NOTCH2: variants seen among roughly 807,000 people sequenced by gnomAD.
NOTCH2 encodes neurogenic locus notch homolog protein 2.
A neutral mutation model predicts 235.8 loss-of-function variants in NOTCH2; 29 were observed. That is an observed-to-expected ratio of 0.12 (90% CI 0.09 to 0.17). The LOEUF (loss-of-function observed/expected upper bound fraction) is 0.17, where lower values mean the gene tolerates loss of function less well. Ranked by LOEUF, NOTCH2 falls within the 10% of genes least tolerant of loss-of-function variation. The pLI is 1.00. For missense variants in NOTCH2, 2,285 were observed against 3,150.2 expected, an observed-to-expected ratio of 0.73 and a Z score of 6.57; for synonymous variants, 1,086 against 1,141.5, an observed-to-expected ratio of 0.95 and a Z score of 0.98.
intron 15 of NOTCH2, 98 bp from the exon 16 acceptor site, chr1:119,949,224 C>T: frequency 1.6e-6 from 2 of 1,276,404 alleles, no homozygotes; most frequent in Non-Finnish European, 2.3e-6. Flanking sequence ...GTCAAAAGTC[C>T]TGATTAAGAG....
Position 119,937,849 on chromosome 1 carries a change from A to C in NOTCH2, c.3337+8T>G. 1 of 1,614,156 alleles carries C rather than the reference A, an allele frequency of 6.2e-7. No individual in the cohort carries two copies. The stretch of plus-strand genomic sequence containing the variant: ...TGAATGACCTGAGCCCAAGGGAGCA[A>C]AGCTTACCTCTCCTGGAGGCTGCTA... On this transcript the variant is annotated splice_region_variant and intron_variant, in intron 20 of 33. Coordinates refer to ENST00000256646, the MANE Select transcript of NOTCH2 (RefSeq NM_024408.4).
intron 1 of NOTCH2, chr1:120,068,888 A>C (rs1330596383): frequency 1.4e-6 from 1 of 737,922 alleles, no homozygotes; most frequent in Non-Finnish European, 2.1e-6. Flanking sequence ...GCGACGGTGC[A>C]GGCCGTTTGG....
chr1:120,002,383 T>C (rs587698027), intron 3 of NOTCH2, among the ~76,000 whole-genome samples: 2 of 150,342 alleles, frequency 1.3e-5, no homozygotes, highest in East Asian at 3.9e-4. Flanking sequence ...GAAAGAGTAT[T>C]CATGGAATAC....
intron 26 of NOTCH2, 100 bp from the exon 27 acceptor site, chr1:119,922,878 C>G (rs1406240296): frequency 1.4e-6 from 2 of 1,445,530 alleles, no homozygotes; most frequent in Admixed American, 1.7e-5. Context: ...AGGAGCCTCC[C>G]TTCCTCCCCT....
At chr1:119,988,969 GA>G (rs1314810419) in intron 4 of NOTCH2, among the ~76,000 whole-genome samples, 3 of 152,194 alleles carry the variant, frequency 2.0e-5, no homozygotes, top group African/African-American at 7.2e-5. Context: ...AACCACAACA[GA>G]AAAGAAATAA....
chr1:119,964,023 T>C (rs1651042265), intron 10 of NOTCH2, among the ~76,000 whole-genome samples: 2 of 152,234 alleles, frequency 1.3e-5, no homozygotes, highest in South Asian at 2.1e-4. Flanking sequence ...AATTTTAGAA[T>C]TGAAATACCT....
At chr1:120,011,431 G>T (rs1653187730) in intron 2 of NOTCH2, among the ~76,000 whole-genome samples, 5 of 152,206 alleles carry the variant, frequency 3.3e-5, no homozygotes, top group Middle Eastern at 3.4e-3. Flanking sequence ...TTTTTTCCAG[G>T]ATTCAATGGT....
chr1:120,015,190 GGCACTGCAGC>G (rs1653388300), intron 2 of NOTCH2, among the ~76,000 whole-genome samples: 1 of 152,106 alleles, frequency 6.6e-6, no homozygotes, highest in African/African-American at 2.4e-5. Context: ...GGGTTGCGTC[GGCACTGCAGC>G]TGCTCCTCAT....
intron 15 of NOTCH2, 40 bp downstream of exon 15, chr1:119,950,684 A>G (rs201277950): frequency 2.3e-6 from 3 of 1,304,526 alleles, no homozygotes; most frequent in Non-Finnish European, 3.3e-6. Flanking sequence ...AGCAAGGTCA[A>G]GTATCCCCTC....
At position 120,029,110 on chromosome 1, in the gene NOTCH2, C is replaced by T. The variant is rs1363703011; in HGVS notation, c.155+796G>A. On this transcript the variant is annotated intron_variant, in intron 2 of 33. Coordinates refer to ENST00000256646, the MANE Select transcript of NOTCH2 (RefSeq NM_024408.4). ...ATAATACACACCCAAAGCCCCTGCT[C>T]CCCCTCAATCTACACACATGCACAC... 2.8e-5 allele frequency among the ~76,000 whole-genome samples: 4 copies of T among 144,092 alleles called. No homozygotes were observed. In the South Asian group the frequency reaches 6.7e-4, roughly 24 times the overall value. 94.5% of individuals were successfully genotyped at this position (144,092 alleles called of 152,430 possible). A position where few individuals can be genotyped will look rare whatever the true frequency, so the allele number is the denominator to read the frequency against.
intron 2 of NOTCH2, among the ~76,000 whole-genome samples, chr1:120,011,374 G>A (rs587674586): frequency 1.8e-4 from 28 of 152,220 alleles, no homozygotes; most frequent in African/African-American, 5.8e-4. Flanking sequence ...TCTCTTACAC[G>A]TAGCCCTTCA....
Position 119,916,292 on chromosome 1 carries a change from T to A in NOTCH2, c.6430A>T (p.Ser2144Cys). The A allele has an allele frequency of 6.2e-7, 1 of 1,614,192 alleles. No homozygotes were observed. The highest frequency in any genetic ancestry group is 8.5e-7 in the Non-Finnish European group (1 of 1,180,034). ...TCAACAGGGGATAAAGTTACTGAACTCTCAGACAGTTGGACCTTCTCACTC... is the reference window on the plus strand; with the variant it reads ...TCAACAGGGGATAAAGTTACTGAACACTCAGACAGTTGGACCTTCTCACTC... ...SLSEKVQLSE[S>C]SVTLSPVDSL... The change falls in exon 34 of 34, where the codon AGT (serine) becomes TGT (cysteine). Residue 2144 changes from serine (S) to cysteine (C), a missense_variant. By Grantham distance (112) the Ser-to-Cys change is moderately radical. Around this residue, in one of 6 missense-constraint regions of NOTCH2, gnomAD observed 504 missense variants for 538.0 expected, o/e 0.94. Coordinates refer to ENST00000256646, the MANE Select transcript of NOTCH2 (RefSeq NM_024408.4).
Position 119,955,070 on chromosome 1 carries a change from A to T in NOTCH2, c.2189T>A (p.Ile730Asn). 2 of 1,614,012 alleles carry T rather than the reference A, an allele frequency of 1.2e-6. No homozygotes were observed. The highest frequency in any genetic ancestry group is 1.7e-6 in the Non-Finnish European group (2 of 1,179,980). ...QVNECLSNPC[I>N]HGNCTGGLSG... Reference sequence around the variant, plus strand: ...GAGACCTCCAGTACAGTTTCCATGGATGCAGGGATTGCTCAGGCATTCGTT... The same window carrying T: ...GAGACCTCCAGTACAGTTTCCATGGTTGCAGGGATTGCTCAGGCATTCGTT... The change falls in exon 13 of 34, where the codon ATC (isoleucine) becomes AAC (asparagine). Residue 730 changes from isoleucine (I) to asparagine (N), a missense_variant. Around this residue, in one of 6 missense-constraint regions of NOTCH2, gnomAD observed 1,173 missense variants for 1,515.3 expected, o/e 0.77. Coordinates refer to ENST00000256646, the MANE Select transcript of NOTCH2 (RefSeq NM_024408.4).
chr1:120,065,546 C>T (rs587722631), intron 1 of NOTCH2, among the ~76,000 whole-genome samples: 2 of 152,300 alleles, frequency 1.3e-5, no homozygotes, highest in African/African-American at 4.8e-5. Flanking sequence ...ATTCTAGTCT[C>T]AACTCTAATT....
intron 23 of NOTCH2, among the ~76,000 whole-genome samples, chr1:119,928,180 T>C (rs1403266079): frequency 6.6e-6 from 1 of 152,172 alleles, no homozygotes. Context: ...GTTCTTGTGA[T>C]AAGACCCCTA....
intron 1 of NOTCH2, among the ~76,000 whole-genome samples, chr1:120,038,992 C>A (rs2101359332): frequency 6.6e-6 from 1 of 152,032 alleles, no homozygotes; most frequent in South Asian, 2.1e-4. Flanking sequence ...AAACAGAAAA[C>A]AGAGTAATAA....
intron 3 of NOTCH2, among the ~76,000 whole-genome samples, chr1:120,001,198 G>A (rs587723699): frequency 2.6e-5 from 4 of 152,104 alleles, no homozygotes; most frequent in African/African-American, 7.2e-5. Context: ...CCGGTCTCGG[G>A]GATATCTTTA....
At chr1:119,941,794 A>G (rs782792177) in intron 17 of NOTCH2, 40 bp from the exon 18 acceptor site, 45 of 1,415,344 alleles carry the variant, frequency 3.2e-5, no homozygotes, top group Non-Finnish European at 4.4e-5. Context: ...GAAGAGTAGC[A>G]TCAGTTTAAT....
chr1:119,996,589 G>A (rs1434146357), intron 4 of NOTCH2: 6 of 809,206 alleles, frequency 7.4e-6, no homozygotes, highest in Admixed American at 1.8e-5. Context: ...CAAGCACATA[G>A]GAAAGTTGAT....
Sources: gnomAD v4.1 joint callset for allele counts (sites outside exome capture counted in the v4.1 genomes callset) on GRCh38, gnomAD v4.1.1 for gene constraint, gnomAD v4.1.1 regional missense constraint, MANE v1.5 for transcripts, NCBI Gene and HGNC (gene_info 2026-07-23, HGNC 2026-07-21) for gene names.